The following CHD8 variants were observed in gnomAD, a reference collection of about 807,000 sequenced individuals.
CHD8 encodes the protein ATP-dependent chromatin remodeler CHD8.
Under a neutral mutation model 279.2 loss-of-function variants are expected in CHD8, and 31 were observed. The ratio of observed to expected loss-of-function variants is 0.11; its 90% confidence interval spans 0.08 to 0.15. The LOEUF is 0.15. CHD8 is among the 10% of genes least tolerant of loss of function. CHD8 has a pLI of 1.00. For missense variants in CHD8, 2,146 were observed against 3,230.5 expected, an observed-to-expected ratio of 0.66 and a Z score of 8.14; for synonymous variants, 1,081 against 1,139.6, an observed-to-expected ratio of 0.95 and a Z score of 1.04.
chr14:21,400,776 T>G lies in CHD8; in HGVS notation c.4370+99A>C, dbSNP rs1482570545. 4.4e-6 allele frequency: 6 copies of G among 1,351,874 alleles called. No individual in the cohort carries two copies. Among genetic ancestry groups the G allele is most frequent in the Non-Finnish European group, 6.1e-6 (6 of 989,906 alleles). The allele number at this position is 1,351,874 out of a possible 1,614,324, so 83.7% of individuals were successfully genotyped here. A position where few individuals can be genotyped will look rare whatever the true frequency, so the allele number is the denominator to read the frequency against. On this transcript the variant is annotated intron_variant, in intron 22 of 37. Coordinates refer to ENST00000646647, the MANE Select transcript of CHD8 (RefSeq NM_001170629.2). This position sits in a 1 kb window ranked among gnomAD's most constrained non-coding sequence, Gnocchi z 4.2. ...GGCAAATATTTTTTCACATTATCCCTTCTTTGATCATAGCCCCCAATTTGA... is the reference window on the plus strand; with the variant it reads ...GGCAAATATTTTTTCACATTATCCCGTCTTTGATCATAGCCCCCAATTTGA...
In CHD8 at chr14:21,406,787, T is replaced by G. The variant is rs1303506511; in HGVS notation, c.2907+69A>C. 2.2e-6 allele frequency: 3 copies of G among 1,374,716 alleles called. No individual in the cohort carries two copies. In the African/African-American group the frequency reaches 4.3e-5, roughly 20 times the overall value. The allele number at this position is 1,374,716 out of a possible 1,614,324, so 85.2% of individuals were successfully genotyped here. A position where few individuals can be genotyped will look rare whatever the true frequency, so the allele number is the denominator to read the frequency against. On this transcript the variant is annotated intron_variant, in intron 14 of 37. Transcript: ENST00000646647. ...CTTTTCTTCTCTGCTAAACTAGGGT[T>G]ATTTTAATACCGCAAGGAATTACGG... is the stretch of plus-strand genomic sequence containing the variant.
At chr14:21,433,569 A>G (rs1889652320) in intron 1 of CHD8, among the ~76,000 whole-genome samples, 1 of 152,116 alleles carries the variant, frequency 6.6e-6, no homozygotes, top group Admixed American at 6.5e-5. Context: ...TTCCTTCCCA[A>G]CCCATCTCAC....
In CHD8 at chr14:21,399,679, A is replaced by G. The variant is rs1887946313; in HGVS notation, c.4844T>C (p.Val1615Ala). 1 of 1,612,528 alleles carries G rather than the reference A, an allele frequency of 6.2e-7. No homozygotes were observed. Among genetic ancestry groups the G allele is most frequent in the Non-Finnish European group, 8.5e-7 (1 of 1,178,570 alleles). Residue 1615 changes from valine (V) to alanine (A), a missense_variant, in exon 26 of 38, where the codon GTG becomes GCG. This residue lies in a region of CHD8 where 33 missense variants were observed against 34.8 expected (regional missense o/e 0.95). Transcript: ENST00000646647. ...ASEIDIWFPV[V>A]DQLEVPTTWW... ...AGTTGTTGGAACCTCCAGTTGATCC[A>G]CTACTGGGAACCATATGTCAATCTC...
At position 21,392,717 on chromosome 14, in the gene CHD8, T is replaced by C. The variant is rs371670547; in HGVS notation, c.6561A>G (p.Thr2187=). The C allele has an allele frequency of 2.5e-6, 4 of 1,613,908 alleles. No homozygotes were observed. Among genetic ancestry groups the C allele is most frequent in the Non-Finnish European group, 1.7e-6 (2 of 1,179,902 alleles). Residue 2187 remains threonine (T), a synonymous_variant, in exon 34 of 38, where the codon ACA becomes ACG. Coordinates refer to ENST00000646647, the MANE Select transcript of CHD8 (RefSeq NM_001170629.2). ...GGTTGCCTGGCCCCAAAATTCCTCC[T>C]GTTACCATTTCCTGGCTCCTACGGC... The part of the protein sequence containing the change: ...PSSRRSQEMV[T]GGILGPGNHL...
At chr14:21,454,019 A>G (rs938299203) in intron 1 of CHD8, among the ~76,000 whole-genome samples, 3 of 151,674 alleles carry the variant, frequency 2.0e-5, no homozygotes, top group Non-Finnish European at 4.4e-5. Flanking sequence ...TTAGCCAAGC[A>G]TGGTGGCGGG....
chr14:21,408,431 T>C lies in CHD8; in HGVS notation c.2611A>G (p.Ile871Val), dbSNP rs1157795085. The change falls in exon 13 of 38, where the codon ATT becomes GTT. Residue 871 changes from isoleucine to valine, a missense_variant. This residue lies in a region of CHD8 where 211 missense variants were observed against 464.7 expected (regional missense o/e 0.45). Transcript: ENST00000646647. This position sits in a 1 kb window ranked among gnomAD's most constrained non-coding sequence, Gnocchi z 4.3. ...PFLVIAPLSTITNWEREFNTW... is the reference protein window; with the variant it reads ...PFLVIAPLSTVTNWEREFNTW... ...TTAAATTCTCGCTCCCAGTTAGTAATTGTGGACAGTGGGGCAATGACCAAG... is the reference window on the plus strand; with the variant it reads ...TTAAATTCTCGCTCCCAGTTAGTAACTGTGGACAGTGGGGCAATGACCAAG... 1 of 1,613,992 alleles carries C rather than the reference T, an allele frequency of 6.2e-7. No individual in the cohort carries two copies. The highest frequency in any genetic ancestry group is 8.5e-7 in the Non-Finnish European group (1 of 1,179,886).
At chr14:21,441,056 A>T (rs1889947292) in intron 1 of CHD8, among the ~76,000 whole-genome samples, 1 of 152,162 alleles carries the variant, frequency 6.6e-6, no homozygotes, top group Non-Finnish European at 1.5e-5. Context: ...CCTAGCAAAG[A>T]GGAAGTATGC....
chr14:21,393,138 G>C lies in CHD8; in HGVS notation c.6436C>G (p.Gln2146Glu). 6.2e-7 allele frequency: 1 copy of C among 1,613,890 alleles called. No individual in the cohort carries two copies. Among genetic ancestry groups the C allele is most frequent in the South Asian group, 1.1e-5 (1 of 91,072 alleles). The change falls in exon 33 of 38, where the codon CAG becomes GAG. Residue 2146 changes from glutamine to glutamate, a missense_variant. By Grantham distance (29) the Gln-to-Glu change is conservative. This residue lies in a region of CHD8 where 513 missense variants were observed against 637.6 expected (regional missense o/e 0.80). Transcript: ENST00000646647. ...EQMTPELLLL[Q>E]ERQRASEWPK... ...CACTCAGAGGCTCTTTGTCTTTCCT[G>C]CAGTAGCAGAAGCTCAGGGGTCATT...
intron 1 of CHD8, among the ~76,000 whole-genome samples, chr14:21,440,014 T>G (rs546445961): frequency 6.6e-6 from 1 of 152,274 alleles, no homozygotes; most frequent in South Asian, 2.1e-4. Context: ...CAAAAACAAG[T>G]AAGACATAAT....
Position 21,393,255 on chromosome 14 carries a change from C to CTGGTAAGAGAGCCCATA in CHD8, c.6320-18_6320-2dup. 1 of 1,613,754 alleles carries CTGGTAAGAGAGCCCATA rather than the reference C, an allele frequency of 6.2e-7. No individual in the cohort carries two copies. The highest frequency in any genetic ancestry group is 8.5e-7 in the Non-Finnish European group (1 of 1,179,826). ...TAGAGCTTTGAGCGGGACTGGTCAGCTGGTAAGAGAGCCCATAGAATGTGT... is the reference window on the plus strand; with the variant it reads ...TAGAGCTTTGAGCGGGACTGGTCAGCTGGTAAGAGAGCCCATATGGTAAGAGAGCCCATAGAATGTGT... On this transcript the variant is annotated splice_acceptor_variant, in intron 32 of 37. Transcript: ENST00000646647. LOFTEE classifies it high-confidence loss of function.
chr14:21,392,114 C>A (rs376064377), intron 34 of CHD8, 168 bp from the exon 35 acceptor site: 2 of 763,384 alleles, frequency 2.6e-6, no homozygotes, highest in South Asian at 2.8e-5. Context: ...AACATACACA[C>A]TTTTTCCTTA....
intron 26 of CHD8, 125 bp from the exon 27 acceptor site, chr14:21,398,077 G>T: frequency 1.1e-6 from 1 of 890,190 alleles, no homozygotes. Context: ...AAGTTAGAAT[G>T]TTATCTTGGA....
chr14:21,454,866 G>A (rs1304880229), intron 1 of CHD8: 1 of 152,100 alleles, frequency 6.6e-6, no homozygotes, highest in Non-Finnish European at 1.5e-5. Context: ...AAACCTATTG[G>A]ATGACCAATA....
At chr14:21,397,542 C>T in intron 27 of CHD8, 1 of 390,264 alleles carries the variant, frequency 2.6e-6, no homozygotes, top group Admixed American at 3.5e-5. Context: ...GACCAGTTAT[C>T]CTCTCAGCTA....
rs1888006044 is a variant in CHD8, at chr14:21,400,983, T to G, written c.4262A>C (p.Asp1421Ala). The part of the protein sequence containing the change: ...LKDDDLVEFS[D>A]LESEDDERPR... ...CCGCTCATCATCCTCACTTTCCAAA[T>G]CAGAGAATTCCACCAGGTCATCATC... The change falls in exon 22 of 38, where the codon GAT (aspartate) becomes GCT (alanine). Residue 1421 changes from aspartate to alanine, a missense_variant. Physicochemically the swap from Asp to Ala is moderately radical, Grantham distance 126. Around this residue, in one of 26 missense-constraint regions of CHD8, gnomAD observed 74 missense variants for 91.5 expected, o/e 0.81. Coordinates refer to ENST00000646647, the MANE Select transcript of CHD8 (RefSeq NM_001170629.2). The surrounding 1 kb of genome is among the most constrained non-coding windows in gnomAD (Gnocchi z 4.2). 1 of 1,613,940 alleles carries G rather than the reference T, an allele frequency of 6.2e-7. No homozygotes were observed. Among genetic ancestry groups the G allele is most frequent in the Non-Finnish European group, 8.5e-7 (1 of 1,179,900 alleles).
In CHD8 at chr14:21,392,818, GGAAA is replaced by G. The variant is rs753480258; in HGVS notation, c.6469-13_6469-10del. On this transcript the variant is annotated splice_polypyrimidine_tract_variant and intron_variant, in intron 33 of 37. Transcript: ENST00000646647. Reference sequence around the variant, plus strand: ...TTTATCAGGACACGATCCTGAATGGGGAAAGAAAGAAATACCATTTTAAGAGTCT... The same window carrying G: ...TTTATCAGGACACGATCCTGAATGGGGAAAGAAATACCATTTTAAGAGTCT... 47 of 1,612,408 alleles carry G rather than the reference GGAAA, an allele frequency of 2.9e-5. No individual in the cohort carries two copies. Among genetic ancestry groups the G allele is most frequent in the Non-Finnish European group, 3.6e-5 (43 of 1,178,900 alleles).
chr14:21,388,374 C>T (rs979268056), intron 37 of CHD8, among the ~76,000 whole-genome samples: 2 of 151,948 alleles, frequency 1.3e-5, no homozygotes, highest in Non-Finnish European at 2.9e-5. Flanking sequence ...AAAACAATAC[C>T]GTGTAACAAC....
chr14:21,455,876 C>T (rs1231464321), intron 1 of CHD8, among the ~76,000 whole-genome samples, 156 bp downstream of exon 1: 1 of 152,076 alleles, frequency 6.6e-6, no homozygotes, highest in Admixed American at 6.6e-5. Context: ...TGGTTCAGTC[C>T]GGAGCATCAC....
intron 5 of CHD8, among the ~76,000 whole-genome samples, chr14:21,418,611 C>G (rs942253628): frequency 1.1e-4 from 16 of 152,118 alleles, no homozygotes; most frequent in Admixed American, 3.9e-4. Flanking sequence ...GTCAGGAGAT[C>G]GAGACCATCC....
Sources: gnomAD v4.1 joint callset for allele counts (sites outside exome capture counted in the v4.1 genomes callset) on GRCh38, gnomAD v4.1.1 for gene constraint, gnomAD v4.1.1 regional missense constraint, Gnocchi (gnomAD v3.1) non-coding constraint, MANE v1.5 for transcripts, NCBI Gene and HGNC (gene_info 2026-07-23, HGNC 2026-07-21) for gene names.